The following EIF5B variants were observed in gnomAD, a reference collection of about 807,000 sequenced individuals.
The protein encoded by EIF5B is eukaryotic translation initiation factor 5B, also known as eIF-5B.
In EIF5B, 47 loss-of-function variants were observed where a neutral mutation model predicts 147.5. That is an observed-to-expected ratio of 0.32 (90% CI 0.25 to 0.41). The LOEUF (loss-of-function observed/expected upper bound fraction) is 0.41. Among genes scored for constraint, EIF5B ranks in the 10% least tolerant of loss-of-function variants. The pLI, the probability that EIF5B is intolerant of heterozygous loss-of-function variation, is 1.00. For missense variants in EIF5B, 1,064 were observed against 1,413.2 expected, an observed-to-expected ratio of 0.75 and a Z score of 3.96; for synonymous variants, 455 against 456.2, an observed-to-expected ratio of 1.00 and a Z score of 0.03.
chr2:99,381,518 G>GTGT (rs797002764), intron 12 of EIF5B, among the ~76,000 whole-genome samples: 21,119 of 142,918 alleles, frequency 0.15, 1,814 homozygotes, highest in African/African-American at 0.22. Flanking sequence ...ACAAAAAGGG[G>GTGT]GTGTGTGTGT....
chr2:99,348,046 A>T (rs1314711439), intron 1 of EIF5B, among the ~76,000 whole-genome samples: 1 of 152,230 alleles, frequency 6.6e-6, no homozygotes, highest in East Asian at 1.9e-4. Flanking sequence ...ATAGTTAGAC[A>T]TACTGGAATC....
intron 1 of EIF5B, among the ~76,000 whole-genome samples, chr2:99,349,595 C>G (rs1267248162): frequency 6.6e-6 from 1 of 152,074 alleles, no homozygotes. Flanking sequence ...AAGCCAAACT[C>G]CAAAGTTGAG....
chr2:99,369,850 C>T (rs1274788169), intron 8 of EIF5B, among the ~76,000 whole-genome samples: 1 of 151,472 alleles, frequency 6.6e-6, no homozygotes, highest in Admixed American at 6.6e-5. Context: ...GTGGCGGGTG[C>T]CTGTAATCCC....
chr2:99,365,865 T>C (rs571445039), intron 6 of EIF5B, among the ~76,000 whole-genome samples: 2 of 151,768 alleles, frequency 1.3e-5, no homozygotes, highest in Admixed American at 6.6e-5. Flanking sequence ...AGCCCACTCA[T>C]GTGAGTCATC....
At chr2:99,379,472 T>G in intron 12 of EIF5B, 44 bp downstream of exon 12, 1 of 1,449,976 alleles carries the variant, frequency 6.9e-7, no homozygotes, top group South Asian at 1.2e-5. Context: ...TGACAAAAAT[T>G]AAGATATGAA....
chr2:99,370,217 G>T (rs771287797), intron 8 of EIF5B, among the ~76,000 whole-genome samples: 4 of 151,964 alleles, frequency 2.6e-5, no homozygotes, highest in Non-Finnish European at 5.9e-5. Flanking sequence ...TCATTGTGGG[G>T]TATCTGTGTA....
intron 1 of EIF5B, among the ~76,000 whole-genome samples, chr2:99,339,687 A>G (rs992897851): frequency 6.6e-6 from 1 of 151,984 alleles, no homozygotes; most frequent in Non-Finnish European, 1.5e-5. Flanking sequence ...CCCTACTTAC[A>G]CTTTTTACTT....
intron 21 of EIF5B, among the ~76,000 whole-genome samples, chr2:99,396,520 A>G (rs1302904029): frequency 6.6e-6 from 1 of 152,186 alleles, no homozygotes; most frequent in Non-Finnish European, 1.5e-5. Context: ...TAGGGCTTTA[A>G]AAGAGAAGAA....
At chr2:99,345,627 C>A (rs577594151) in intron 1 of EIF5B, among the ~76,000 whole-genome samples, 20 of 148,890 alleles carry the variant, frequency 1.3e-4, no homozygotes, top group Non-Finnish European at 2.2e-4. Flanking sequence ...GTCTAACATG[C>A]CTTTCTGGTT....
At chr2:99,389,974 T>A (rs1281466837) in intron 15 of EIF5B, 125 bp downstream of exon 15, 135 of 1,329,432 alleles carry the variant, frequency 1.0e-4, no homozygotes, top group Non-Finnish European at 1.2e-4. Context: ...TTACTTTTTT[T>A]AAATTCTTCT....
chr2:99,390,497 A>C (rs374068682), intron 16 of EIF5B, 47 bp from the exon 17 acceptor site: 11 of 1,590,414 alleles, frequency 6.9e-6, no homozygotes, highest in Non-Finnish European at 9.4e-6. Flanking sequence ...TTTAATGAAC[A>C]TGGTGCATTG....
At chr2:99,372,049 GAGATAAATACTATA>G (rs1674462033) in intron 9 of EIF5B, among the ~76,000 whole-genome samples, 1 of 152,184 alleles carries the variant, frequency 6.6e-6, no homozygotes, top group East Asian at 1.9e-4. Context: ...AAAAGGTAAT[GAGATAAATACTATA>G]GTTCCTGATA....
chr2:99,355,100 G>A (rs1674067932), intron 1 of EIF5B, among the ~76,000 whole-genome samples: 2 of 151,980 alleles, frequency 1.3e-5, no homozygotes, highest in South Asian at 4.2e-4. Context: ...ACTGCGCCTG[G>A]GCCTAAATGG....
chr2:99,347,242 A>G (rs1251305010), intron 1 of EIF5B, among the ~76,000 whole-genome samples: 1 of 151,700 alleles, frequency 6.6e-6, no homozygotes, highest in Non-Finnish European at 1.5e-5. Context: ...CCTGAACTCA[A>G]GTGATGTTCC....
At position 99,360,484 on chromosome 2, in the gene EIF5B, G is replaced by C. The variant is rs766066634; in HGVS notation, c.181G>C (p.Glu61Gln). ...QDFDEDDILKELEELSLEAQG... is the reference protein window; with the variant it reads ...QDFDEDDILKQLEELSLEAQG... ...TTCTAGTGAAGATGATATCCTGAAA[G>C]AACTGGAAGAATTGTCTTTGGAAGC... is the stretch of plus-strand genomic sequence containing the variant. Residue 61 changes from glutamate (E) to glutamine (Q), a missense_variant, in exon 3 of 24, where the codon GAA becomes CAA. Glu to Gln is a conservative substitution (Grantham distance 29). Around this residue, in one of 4 missense-constraint regions of EIF5B, gnomAD observed 458 missense variants for 451.3 expected, o/e 1.01. Transcript: ENST00000289371. 6.2e-7 allele frequency: 1 copy of C among 1,613,398 alleles called. No homozygotes were observed. Among genetic ancestry groups the C allele is most frequent in the Admixed American group, 1.7e-5 (1 of 59,906 alleles).
intron 1 of EIF5B, among the ~76,000 whole-genome samples, chr2:99,359,268 C>T (rs543515444): frequency 5.9e-5 from 9 of 151,438 alleles, no homozygotes; most frequent in African/African-American, 2.2e-4. Flanking sequence ...ACTCGGGAGG[C>T]TGAGGCAGGA....
chr2:99,345,080 C>G (rs2094269600), intron 1 of EIF5B, among the ~76,000 whole-genome samples: 2 of 152,122 alleles, frequency 1.3e-5, no homozygotes, highest in Admixed American at 1.3e-4. Flanking sequence ...TGTCATTGTA[C>G]TTTTTCAGAG....
intron 22 of EIF5B, 49 bp downstream of exon 22, chr2:99,396,947 G>A: frequency 3.2e-6 from 5 of 1,555,994 alleles, no homozygotes; most frequent in Non-Finnish European, 4.3e-6. Flanking sequence ...AGCACTAAAT[G>A]AGTGTCCAAG....
At chr2:99,375,887 A>G (rs1674555271) in intron 9 of EIF5B, among the ~76,000 whole-genome samples, 2 of 152,224 alleles carry the variant, frequency 1.3e-5, no homozygotes, top group South Asian at 4.1e-4. Context: ...GGATATGCTC[A>G]TTGGAGCATT....
Sources: allele counts gnomAD v4.1 joint callset (sites outside exome capture counted in the v4.1 genomes callset), GRCh38; gene constraint gnomAD v4.1.1; regional missense constraint gnomAD v4.1.1; transcripts MANE v1.5; gene names NCBI Gene and HGNC (gene_info 2026-07-23, HGNC 2026-07-21).